RERE: variants seen among roughly 807,000 people sequenced by gnomAD.
RERE encodes the protein arginine-glutamic acid dipeptide repeats, also known as arginine-glutamic acid dipeptide repeats protein.
RERE carries 40 observed loss-of-function variants against 146.1 expected under a neutral mutation model. That is an observed-to-expected ratio of 0.27 (90% confidence interval 0.21 to 0.36). The LOEUF is 0.36. Among genes scored for constraint, RERE ranks in the 10% least tolerant of loss-of-function variants. The pLI, the probability that RERE is intolerant of heterozygous loss-of-function variation, is 1.00. For missense variants in RERE, 1,933 were observed against 2,138.7 expected (o/e 0.90, Z 1.90); for synonymous variants, 1,003 against 866.0 (o/e 1.16, Z -2.78).
chr1:8,714,370 G>C (rs1171902856), intron 1 of RERE, among the ~76,000 whole-genome samples: 3 of 152,136 alleles, frequency 2.0e-5, no homozygotes, highest in Non-Finnish European at 4.4e-5. Flanking sequence ...TCTGTATTAT[G>C]CTCTGGCGTC....
At chr1:8,416,331 A>T (rs530654277) in intron 12 of RERE, among the ~76,000 whole-genome samples, 1 of 152,180 alleles carries the variant, frequency 6.6e-6, no homozygotes, top group Non-Finnish European at 1.5e-5. Context: ...CACACCTGTA[A>T]TCCCAGCACT....
At chr1:8,741,017 G>C (rs1421914256) in intron 1 of RERE, among the ~76,000 whole-genome samples, 1 of 152,162 alleles carries the variant, frequency 6.6e-6, no homozygotes, top group Non-Finnish European at 1.5e-5. Flanking sequence ...GATTGAATGT[G>C]CTATATTTCA....
intron 1 of RERE, among the ~76,000 whole-genome samples, chr1:8,694,835 C>T (rs2124425713): frequency 6.6e-6 from 1 of 151,804 alleles, no homozygotes; most frequent in African/African-American, 2.4e-5. Context: ...ATTAAAATGA[C>T]CACACTTTCC....
chr1:8,653,284 A>T (rs186939298), intron 2 of RERE, among the ~76,000 whole-genome samples: 6 of 152,346 alleles, frequency 3.9e-5, no homozygotes, highest in African/African-American at 1.4e-4. Context: ...TTAGCATTCA[A>T]TACTGCACAA....
intron 11 of RERE, among the ~76,000 whole-genome samples, chr1:8,441,449 C>T (rs1181651643): frequency 6.6e-6 from 1 of 152,172 alleles, no homozygotes; most frequent in Non-Finnish European, 1.5e-5. Flanking sequence ...GGCAGCACTG[C>T]CCCAGGGGCA....
chr1:8,708,905 G>GTT (rs35403792), intron 1 of RERE, among the ~76,000 whole-genome samples: 4,834 of 72,366 alleles, frequency 0.067, 671 homozygotes, highest in Non-Finnish European at 0.093. Context: ...AAACTCTGGA[G>GTT]TTTTTTTTTT....
At chr1:8,385,596 C>A (rs1313329876) in intron 12 of RERE, among the ~76,000 whole-genome samples, 1 of 152,010 alleles carries the variant, frequency 6.6e-6, no homozygotes, top group East Asian at 1.9e-4. Context: ...CTCCTGGTGA[C>A]CAAACAAAAC....
chr1:8,518,893 C>A (rs953060345), intron 7 of RERE, among the ~76,000 whole-genome samples: 1 of 152,192 alleles, frequency 6.6e-6, no homozygotes, highest in Non-Finnish European at 1.5e-5. Context: ...GGCACACTTT[C>A]TGTGGGTTAG....
intron 11 of RERE, among the ~76,000 whole-genome samples, chr1:8,437,109 A>G (rs1167235446): frequency 1.3e-5 from 2 of 152,236 alleles, no homozygotes; most frequent in Non-Finnish European, 2.9e-5. Flanking sequence ...CTTGTCTTCT[A>G]GAAGAATTCG....
intron 4 of RERE, 129 bp downstream of exon 4, chr1:8,614,432 T>C: frequency 1.0e-6 from 1 of 962,018 alleles, no homozygotes; most frequent in Middle Eastern, 3.6e-4. Context: ...CATGTACTTG[T>C]TACTCCTTTA....
At chr1:8,705,726 AG>A (rs1639544360) in intron 1 of RERE, among the ~76,000 whole-genome samples, 2 of 152,202 alleles carry the variant, frequency 1.3e-5, no homozygotes, top group African/African-American at 4.8e-5. Context: ...AAATGAACTG[AG>A]GTCAACAACA....
intron 1 of RERE, among the ~76,000 whole-genome samples, chr1:8,704,653 C>T (rs1331004099): frequency 1.3e-5 from 2 of 152,172 alleles, no homozygotes; most frequent in Non-Finnish European, 2.9e-5. Context: ...TGCTTTGTTG[C>T]CACAGACAGC....
chr1:8,447,235 G>C (rs1382295821), intron 11 of RERE, among the ~76,000 whole-genome samples: 1 of 151,496 alleles, frequency 6.6e-6, no homozygotes, highest in Admixed American at 6.6e-5. Flanking sequence ...CATTGGGTTA[G>C]AACATGCTCC....
intron 1 of RERE, among the ~76,000 whole-genome samples, chr1:8,659,807 A>G (rs1638412609): frequency 6.6e-6 from 1 of 152,318 alleles, no homozygotes; most frequent in East Asian, 1.9e-4. Flanking sequence ...TCAGCACTCA[A>G]AGAGAAAAAA....
intron 1 of RERE, among the ~76,000 whole-genome samples, chr1:8,743,753 C>A (rs1242249778): frequency 6.6e-6 from 1 of 152,044 alleles, no homozygotes; most frequent in Non-Finnish European, 1.5e-5. Context: ...CAGTCCCTCA[C>A]TTATTTGCTA....
intron 1 of RERE, among the ~76,000 whole-genome samples, chr1:8,678,488 C>CAA (rs34040687): frequency 2.4e-4 from 33 of 137,184 alleles, no homozygotes; most frequent in East Asian, 6.4e-4. Flanking sequence ...ACTAAAAATA[C>CAA]AAAAAAAAAA....
In RERE at chr1:8,359,782, G is replaced by GCGCTCC. The variant is rs747069823; in HGVS notation, c.3594_3599dup (p.Arg1200_Glu1201dup). On this transcript the variant is annotated inframe_insertion, in exon 19 of 23. Coordinates refer to ENST00000400908, the MANE Select transcript of RERE (RefSeq NM_001042681.2). ...GACTCACAGCCGCCCGCTCTGCCTC[G>GCGCTCC]CGCTCCCGCTCTCGCTCCCGCTCCC... 1 of 1,601,050 alleles carries GCGCTCC rather than the reference G, an allele frequency of 6.2e-7. No homozygotes were observed. Among genetic ancestry groups the GCGCTCC allele is most frequent in the Non-Finnish European group, 8.5e-7 (1 of 1,179,032 alleles).
intron 12 of RERE, among the ~76,000 whole-genome samples, chr1:8,395,336 G>A (rs1643019066): frequency 6.6e-6 from 1 of 152,104 alleles, no homozygotes. Flanking sequence ...TTAGCCGGGC[G>A]TGGTGGCACA....
chr1:8,702,358 G>A (rs368112659), intron 1 of RERE, among the ~76,000 whole-genome samples: 1 of 152,216 alleles, frequency 6.6e-6, no homozygotes, highest in South Asian at 2.1e-4. Context: ...TATTACAGGA[G>A]TTTCCTTCTC....
Sources: gnomAD v4.1 joint callset for allele counts (sites outside exome capture counted in the v4.1 genomes callset) on GRCh38, gnomAD v4.1.1 for gene constraint, MANE v1.5 for transcripts, NCBI Gene and HGNC (gene_info 2026-07-23, HGNC 2026-07-21) for gene names.